Variants in ZCRB1 observed in about 807,000 individuals in gnomAD.
ZCRB1 encodes zinc finger CCHC-type and RNA binding motif containing 1.
ZCRB1 carries 21 observed loss-of-function variants against 29.9 expected under a neutral mutation model. The ratio of observed to expected loss-of-function variants is 0.70; its 90% CI spans 0.50 to 1.01. The LOEUF is 1.01. ZCRB1 is among the 50% of genes least tolerant of loss of function. The pLI is 0.00. For synonymous variants in ZCRB1, 77 were observed against 80.0 expected, an observed-to-expected ratio of 0.96 and a Z score of 0.20; for missense variants, 204 against 253.3, an observed-to-expected ratio of 0.81 and a Z score of 1.32.
intron 5 of ZCRB1, among the ~76,000 whole-genome samples, chr12:42,315,911 A>C (rs1324585764): frequency 6.6e-6 from 1 of 152,064 alleles, no homozygotes; most frequent in Admixed American, 6.6e-5. Flanking sequence ...TCATCCATCC[A>C]TCAGTCTGTT....
At chr12:42,321,232 ACTATATATTTAT>A (rs2068619776) in intron 3 of ZCRB1, among the ~76,000 whole-genome samples, 1 of 152,182 alleles carries the variant, frequency 6.6e-6, no homozygotes, top group Non-Finnish European at 1.5e-5. Flanking sequence ...ATGGTTTAGG[ACTATATATTTAT>A]ATGGAGATCC....
chr12:42,314,154 GA>G (rs2068583170), intron 5 of ZCRB1, among the ~76,000 whole-genome samples, 168 bp from the exon 6 acceptor site: 1 of 152,000 alleles, frequency 6.6e-6, no homozygotes, highest in Non-Finnish European at 1.5e-5. Flanking sequence ...TTAATATTTA[GA>G]AGGTGATATT....
At chr12:42,323,807 G>A in intron 2 of ZCRB1, 1 of 547,894 alleles carries the variant, frequency 1.8e-6, no homozygotes, top group Non-Finnish European at 3.3e-6. Flanking sequence ...CAGCTACTTG[G>A]GAGGATGAGG....
chr12:42,323,388 T>C lies in ZCRB1; in HGVS notation c.84+631A>G, dbSNP rs76930344. On this transcript the variant is annotated intron_variant, in intron 2 of 7. Coordinates refer to ENST00000266529, the MANE Select transcript of ZCRB1 (RefSeq NM_033114.4). ...TAAGATTACCCCTCTTTTTCTGAAA[T>C]GTTTGTCCTCTAGAATTTGCACAGG... Among the ~76,000 whole-genome samples the C allele has an allele frequency of 7.2e-3, 1,095 of 152,264 alleles. 43 individuals are homozygous for C. In the East Asian group the frequency reaches 0.091, roughly 13 times the overall value.
At chr12:42,314,704 G>C (rs1371162606) in intron 5 of ZCRB1, among the ~76,000 whole-genome samples, 1 of 152,102 alleles carries the variant, frequency 6.6e-6, no homozygotes, top group African/African-American at 2.4e-5. Context: ...ATACTCTGTT[G>C]GGCTGGGCAG....
Position 42,321,149 on chromosome 12 carries a change from C to A in ZCRB1, c.113+1269G>T, listed in dbSNP as rs573451252. 2.6e-5 allele frequency among the ~76,000 whole-genome samples: 4 copies of A among 152,332 alleles called. No homozygotes were observed. The South Asian group carries it at 8.3e-4, about 32-fold the overall frequency. ...ACTGACCTAGGTAAGCCTTCCCTGG[C>A]TCTCTAGACTAGATAGTCTTCCCTG... On this transcript the variant is annotated intron_variant, in intron 3 of 7. Transcript: ENST00000266529.
At chr12:42,313,234 G>A in intron 7 of ZCRB1, 36 bp from the exon 8 acceptor site, 1 of 1,579,006 alleles carries the variant, frequency 6.3e-7, no homozygotes. Flanking sequence ...CCAATAACCT[G>A]TTTAATATTA....
At chr12:42,316,377 G>A (rs2068594782) in intron 5 of ZCRB1, among the ~76,000 whole-genome samples, 1 of 152,146 alleles carries the variant, frequency 6.6e-6, no homozygotes, top group Admixed American at 6.5e-5. Flanking sequence ...TAGGATTACA[G>A]GCGTGAGCCA....
chr12:42,318,757 TGAGA>T (rs1313442816), intron 3 of ZCRB1, among the ~76,000 whole-genome samples: 1 of 149,916 alleles, frequency 6.7e-6, no homozygotes, highest in South Asian at 2.1e-4. Context: ...CGTGAGCGAG[TGAGA>T]GAGAGAGAGA....
intron 5 of ZCRB1, among the ~76,000 whole-genome samples, chr12:42,315,137 C>T (rs1405236336): frequency 6.6e-6 from 1 of 152,102 alleles, no homozygotes; most frequent in African/African-American, 2.4e-5. Flanking sequence ...AGGTAAAATA[C>T]ACATTGGATT....
In ZCRB1 at chr12:42,317,898, C is replaced by A. The variant is rs915964372; in HGVS notation, c.114G>T (p.Lys38Asn). The change falls in exon 4 of 8, where the codon AAG (lysine) becomes AAT (asparagine). Residue 38 changes from lysine to asparagine, a missense_variant and splice_region_variant. Lys to Asn is a moderately conservative substitution (Grantham distance 94). Transcript: ENST00000266529. ...TATCTTTATCTTTCATGATGGTAAC[C>A]CTTAAAGCATAAACAAAGAGTTAAA... ...RIFSKYGKVV[K>N]VTIMKDKDTR... The A allele has an allele frequency of 6.2e-7, 1 of 1,606,810 alleles. No homozygotes were observed. Among genetic ancestry groups the A allele is most frequent in the African/African-American group, 1.3e-5 (1 of 74,586 alleles).
At chr12:42,313,318 G>A in intron 7 of ZCRB1, 120 bp from the exon 8 acceptor site, 3 of 1,094,462 alleles carry the variant, frequency 2.7e-6, no homozygotes, top group Non-Finnish European at 2.5e-6. Flanking sequence ...CCCAGTCCAT[G>A]CAGACAATAA....
Position 42,322,482 on chromosome 12 carries a change from A to G in ZCRB1, c.85-36T>C, listed in dbSNP as rs763859104. The stretch of plus-strand genomic sequence containing the variant: ...AGACCAAATATTTACAATTTATTTT[A>G]AAATCATAAAACATCAAATTTTTAG... On this transcript the variant is annotated intron_variant, in intron 2 of 7. Coordinates refer to ENST00000266529, the MANE Select transcript of ZCRB1 (RefSeq NM_033114.4). 5 of 1,453,446 alleles carry G rather than the reference A, an allele frequency of 3.4e-6. No homozygotes were observed. In the African/African-American group the frequency reaches 7.2e-5, roughly 21 times the overall value. The allele number at this position is 1,453,446 out of a possible 1,614,324, so 90.0% of individuals were successfully genotyped here. A position where few individuals can be genotyped will look rare whatever the true frequency, so the allele number is the denominator to read the frequency against.
At chr12:42,317,763 C>A (rs1187532358) in intron 4 of ZCRB1, 24 bp downstream of exon 4, 2 of 1,606,656 alleles carry the variant, frequency 1.2e-6, no homozygotes, top group Non-Finnish European at 1.7e-6. Flanking sequence ...GGGCTAAAAA[C>A]CTTGATGGAG....
chr12:42,317,719 C>T (rs1354909786), intron 4 of ZCRB1, 68 bp downstream of exon 4: 10 of 1,345,110 alleles, frequency 7.4e-6, no homozygotes, highest in South Asian at 1.2e-5. Context: ...ACTATATCCC[C>T]ACATTTTTGG....
intron 2 of ZCRB1, among the ~76,000 whole-genome samples, chr12:42,323,264 A>T (rs898946599): frequency 1.3e-5 from 2 of 152,224 alleles, no homozygotes; most frequent in Non-Finnish European, 2.9e-5. Context: ...AGTCTTCTAT[A>T]TAATACTTAC....
chr12:42,322,027 C>T (rs2068624034), intron 3 of ZCRB1, among the ~76,000 whole-genome samples: 2 of 151,942 alleles, frequency 1.3e-5, no homozygotes, highest in Admixed American at 1.3e-4. Context: ...TTTGTTTTTA[C>T]ACTATTTATA....
chr12:42,315,400 T>A (rs778387051), intron 5 of ZCRB1, among the ~76,000 whole-genome samples: 4 of 152,204 alleles, frequency 2.6e-5, no homozygotes, highest in African/African-American at 9.6e-5. Context: ...GCAGACAGAC[T>A]GTGCACTTTG....
At position 42,322,603 on chromosome 12, in the gene ZCRB1, C is replaced by T. The variant is rs144768715; in HGVS notation, c.85-157G>A. 1.1e-3 allele frequency among the ~76,000 whole-genome samples: 168 copies of T among 152,194 alleles called. 5 individuals carry two copies. The highest frequency in any genetic ancestry group is 9.3e-3 in the Admixed American group (142 of 15,292). Reference sequence around the variant, plus strand: ...CCTAGGAAAAAGTTTTTTTTGGTTACTAGAATAATATACTTACTGTTGTTG... The same window carrying T: ...CCTAGGAAAAAGTTTTTTTTGGTTATTAGAATAATATACTTACTGTTGTTG... On this transcript the variant is annotated intron_variant, in intron 2 of 7. Transcript: ENST00000266529.
Sources: gnomAD v4.1 joint callset for allele counts (sites outside exome capture counted in the v4.1 genomes callset) on GRCh38, gnomAD v4.1.1 for gene constraint, MANE v1.5 for transcripts, NCBI Gene and HGNC (gene_info 2026-07-23, HGNC 2026-07-21) for gene names.